Variants in PPFIA2 observed in about 807,000 individuals in gnomAD.
The protein encoded by PPFIA2 is liprin-alpha-2.
Under a neutral mutation model 175.5 loss-of-function variants are expected in PPFIA2, and 46 were observed. The ratio of observed to expected loss-of-function variants is 0.26; its 90% CI spans 0.21 to 0.34. The LOEUF (loss-of-function observed/expected upper bound fraction) is 0.34. PPFIA2 is among the 10% of genes least tolerant of loss of function. The pLI, the probability that PPFIA2 is intolerant of heterozygous loss-of-function variation, is 1.00. For synonymous variants in PPFIA2, 568 were observed against 511.4 expected, an observed-to-expected ratio of 1.11 and a Z score of -1.49; for missense variants, 1,179 against 1,506.1, an observed-to-expected ratio of 0.78 and a Z score of 3.60.
chr12:81,741,828 C>T (rs191361202), intron 3 of PPFIA2, among the ~76,000 whole-genome samples: 24 of 152,088 alleles, frequency 1.6e-4, no homozygotes, highest in Admixed American at 1.0e-3. Context: ...ATACACTATA[C>T]TAGGTGGTTA....
At chr12:81,716,694 C>G (rs777250088) in intron 3 of PPFIA2, among the ~76,000 whole-genome samples, 22 of 151,704 alleles carry the variant, frequency 1.5e-4, no homozygotes, top group African/African-American at 5.1e-4. Flanking sequence ...ACTGGACTTA[C>G]ACCTGTGAAG....
intron 4 of PPFIA2, among the ~76,000 whole-genome samples, chr12:81,652,728 C>T (rs2067204391): frequency 6.6e-6 from 1 of 152,002 alleles, no homozygotes; most frequent in Non-Finnish European, 1.5e-5. Context: ...CATCTTTCTA[C>T]TTGCTCTTTG....
rs1409026879 is a variant in PPFIA2, at chr12:81,403,098, T to C, written c.762+2689A>G. 3.9e-5 allele frequency among the ~76,000 whole-genome samples: 6 copies of C among 152,272 alleles called. No homozygotes were observed. The East Asian group carries it at 9.7e-4, about 25-fold the overall frequency. ...CATTTAGAAATCACTGTTTTAGAAA[T>C]TCAAGGAAGCTGAAAAAAGCAAATG... is the stretch of plus-strand genomic sequence containing the variant. On this transcript the variant is annotated intron_variant, in intron 8 of 32. Transcript: ENST00000549396.
At chr12:81,666,979 T>C (rs1178516382) in intron 4 of PPFIA2, among the ~76,000 whole-genome samples, 1 of 152,122 alleles carries the variant, frequency 6.6e-6, no homozygotes, top group Non-Finnish European at 1.5e-5. Flanking sequence ...CAATATTGTA[T>C]ACTTTCTATA....
In PPFIA2 at chr12:81,333,473, A is replaced by C. The variant is rs145066337; in HGVS notation, c.2548+5707T>G. Reference sequence around the variant, plus strand: ...TCCTCCAGGTTGATGATGTGCCTTTAAAAGTACAGTAACCAGGATGGATTC... The same window carrying C: ...TCCTCCAGGTTGATGATGTGCCTTTCAAAGTACAGTAACCAGGATGGATTC... On this transcript the variant is annotated intron_variant, in intron 21 of 32. Coordinates refer to ENST00000549396, the MANE Select transcript of PPFIA2 (RefSeq NM_003625.5). Among the ~76,000 whole-genome samples, 129 of 152,290 alleles carry C rather than the reference A, an allele frequency of 8.5e-4. 1 individual carries two copies. In the East Asian group the frequency reaches 0.024, roughly 29 times the overall value.
intron 9 of PPFIA2, chr12:81,378,120 G>C (rs2036807841): frequency 6.6e-6 from 1 of 152,144 alleles, no homozygotes; most frequent in Non-Finnish European, 1.5e-5. Context: ...GAAGCTAGAA[G>C]GGGGGAAGAA....
Position 81,566,251 on chromosome 12 carries a change from C to T in PPFIA2, c.304-108385G>A, listed in dbSNP as rs117080189. Among the ~76,000 whole-genome samples the T allele has an allele frequency of 1.3e-3, 198 of 152,142 alleles. 5 individuals are homozygous for T. The East Asian group carries it at 0.03, about 23-fold the overall frequency. On this transcript the variant is annotated intron_variant, in intron 4 of 32. Coordinates refer to ENST00000549396, the MANE Select transcript of PPFIA2 (RefSeq NM_003625.5). ...AGTACATGTACGTTTTGGCCGGGCA[C>T]GGTGGCTCATGCCTGTAATCCCAGC...
intron 32 of PPFIA2, chr12:81,260,803 C>T (rs1399453638): frequency 6.6e-6 from 1 of 152,126 alleles, no homozygotes; most frequent in East Asian, 1.9e-4. Context: ...CCTGTGCACA[C>T]ATTTTGTTCT....
chr12:81,445,490 A>C, intron 6 of PPFIA2, 66 bp downstream of exon 6: 1 of 1,482,038 alleles, frequency 6.7e-7, no homozygotes, highest in African/African-American at 1.4e-5. Flanking sequence ...TCAATGGATG[A>C]AGACAAAGAG....
chr12:81,717,003 C>G (rs1231909431), intron 3 of PPFIA2, among the ~76,000 whole-genome samples: 1 of 151,536 alleles, frequency 6.6e-6, no homozygotes, highest in Non-Finnish European at 1.5e-5. Flanking sequence ...AAAGACATTT[C>G]ATGATCTGAA....
intron 4 of PPFIA2, among the ~76,000 whole-genome samples, chr12:81,537,568 C>T (rs1475716356): frequency 6.6e-6 from 1 of 151,820 alleles, no homozygotes; most frequent in Non-Finnish European, 1.5e-5. Context: ...ACCACTTACT[C>T]ATCTAACCTA....
chr12:81,378,064 T>C (rs2036790995), intron 9 of PPFIA2: 1 of 152,118 alleles, frequency 6.6e-6, no homozygotes, highest in African/African-American at 2.4e-5. Flanking sequence ...TATACGGAGT[T>C]GTACTGCTAC....
At chr12:81,482,255 T>G (rs150716107) in intron 4 of PPFIA2, among the ~76,000 whole-genome samples, 14,100 of 152,212 alleles carry the variant, frequency 0.093, 858 homozygotes, top group Middle Eastern at 0.15. Flanking sequence ...CTGGAGAGGA[T>G]GTGGAGAAAT....
chr12:81,699,111 T>C (rs2076215222), intron 3 of PPFIA2, among the ~76,000 whole-genome samples: 1 of 152,062 alleles, frequency 6.6e-6, no homozygotes, highest in Non-Finnish European at 1.5e-5. Flanking sequence ...TAAAACATTA[T>C]AGGATTAAAG....
chr12:81,566,735 T>G (rs1869051278), intron 4 of PPFIA2, among the ~76,000 whole-genome samples: 1 of 152,068 alleles, frequency 6.6e-6, no homozygotes, highest in African/African-American at 2.4e-5. Context: ...CCTGTAAGAT[T>G]TCAGTGGTTA....
Position 81,676,854 on chromosome 12 carries a change from G to A in PPFIA2, c.250-10C>T. The A allele has an allele frequency of 3.8e-6, 6 of 1,574,990 alleles. No homozygotes were observed. Among genetic ancestry groups the A allele is most frequent in the South Asian group, 1.2e-5 (1 of 84,994 alleles). On this transcript the variant is annotated splice_polypyrimidine_tract_variant and intron_variant, in intron 3 of 32. Transcript: ENST00000549396. ...TTAGGGATTCGATATCCTGAAAAGGGGAGAGGTGTTGATTGTAAAGTGCTA... is the reference window on the plus strand; with the variant it reads ...TTAGGGATTCGATATCCTGAAAAGGAGAGAGGTGTTGATTGTAAAGTGCTA...
At chr12:81,643,507 A>C (rs1254152238) in intron 4 of PPFIA2, among the ~76,000 whole-genome samples, 1 of 152,032 alleles carries the variant, frequency 6.6e-6, no homozygotes, top group Admixed American at 6.6e-5. Flanking sequence ...CTTGAATTAC[A>C]TTTGGTAATA....
At chr12:81,515,768 G>A (rs889361893) in intron 4 of PPFIA2, among the ~76,000 whole-genome samples, 1 of 151,982 alleles carries the variant, frequency 6.6e-6, no homozygotes, top group South Asian at 2.1e-4. Context: ...AGAAATCTGG[G>A]AGTCATTCTA....
At position 81,759,307 on chromosome 12, in the gene PPFIA2, G is replaced by A. The variant is rs1022380894; in HGVS notation, c.-138C>T. On this transcript the variant is annotated 5_prime_UTR_variant, in exon 1 of 33. Transcript: ENST00000549396. The stretch of plus-strand genomic sequence containing the variant: ...GCTGGCAGCCGGTGAGGACGCTACA[G>A]CATCTTCTCTCCTCACTTGCCTCGT... 1 of 151,850 alleles carries A rather than the reference G, an allele frequency of 6.6e-6. No individual in the cohort carries two copies. The highest frequency in any genetic ancestry group is 2.4e-5 in the African/African-American group (1 of 41,224). 9.4% of individuals were successfully genotyped at this position (151,850 alleles called of 1,614,324 possible).
Sources: gnomAD v4.1 joint callset for allele counts (sites outside exome capture counted in the v4.1 genomes callset) on GRCh38, gnomAD v4.1.1 for gene constraint, MANE v1.5 for transcripts, NCBI Gene and HGNC (gene_info 2026-07-23, HGNC 2026-07-21) for gene names.